CHN1: variants seen among roughly 807,000 people sequenced by gnomAD.
The protein encoded by CHN1 is chimerin 1, also known as N-chimaerin.
CHN1 carries 37 observed loss-of-function variants against 59.5 expected under a neutral mutation model. The ratio of observed to expected loss-of-function variants is 0.62; its 90% CI spans 0.48 to 0.82. The LOEUF (loss-of-function observed/expected upper bound fraction) is 0.82. Among genes scored for constraint, CHN1 ranks in the 40% least tolerant of loss-of-function variants. CHN1 has a pLI of 0.00. For missense variants in CHN1, 469 were observed against 571.0 expected, an observed-to-expected ratio of 0.82 and a Z score of 1.82; for synonymous variants, 206 against 200.4, an observed-to-expected ratio of 1.03 and a Z score of -0.24.
intron 4 of CHN1, among the ~76,000 whole-genome samples, chr2:174,916,986 G>A (rs1688865177): frequency 6.6e-6 from 1 of 152,232 alleles, no homozygotes. Context: ...GAGGTCAGGA[G>A]TTAGAGACTA....
intron 3 of CHN1, among the ~76,000 whole-genome samples, chr2:174,926,040 G>C (rs1289476745): frequency 6.6e-6 from 1 of 152,132 alleles, no homozygotes; most frequent in African/African-American, 2.4e-5. Flanking sequence ...AAAACTTTAA[G>C]TTAATCTACC....
chr2:175,002,959 A>G (rs969969613), intron 1 of CHN1, among the ~76,000 whole-genome samples: 1 of 152,166 alleles, frequency 6.6e-6, no homozygotes, highest in Non-Finnish European at 1.5e-5. Flanking sequence ...ACAAAAAGCT[A>G]TTTTGTATTG....
chr2:174,811,024 C>T (rs1685054974), intron 10 of CHN1: 1 of 152,328 alleles, frequency 6.6e-6, no homozygotes, highest in Non-Finnish European at 1.5e-5. Context: ...TGATGGGTCC[C>T]CCACAGAAGG....
At chr2:174,949,986 G>A (rs184121557) in intron 2 of CHN1, among the ~76,000 whole-genome samples, 25 of 152,246 alleles carry the variant, frequency 1.6e-4, no homozygotes, top group African/African-American at 5.8e-4. Flanking sequence ...ATTCAGCTGG[G>A]CACAGTGGCT....
intron 3 of CHN1, among the ~76,000 whole-genome samples, chr2:174,923,420 G>A (rs1000313233): frequency 2.0e-5 from 3 of 152,158 alleles, no homozygotes; most frequent in African/African-American, 4.8e-5. Flanking sequence ...GATTACAGGC[G>A]TGAGCCACTG....
chr2:174,874,286 T>C (rs992049609), intron 6 of CHN1, among the ~76,000 whole-genome samples: 3 of 152,190 alleles, frequency 2.0e-5, no homozygotes, highest in Non-Finnish European at 2.9e-5. Context: ...CTAATAAAAG[T>C]TGGGCTCTTG....
chr2:174,803,618 G>A (rs13023689), intron 11 of CHN1, among the ~76,000 whole-genome samples: 46,739 of 152,150 alleles, frequency 0.31, 8,727 homozygotes, highest in South Asian at 0.47. Flanking sequence ...GCAGGGGCAT[G>A]ATGATGGCTC....
chr2:174,878,335 A>T (rs193301571), intron 5 of CHN1, among the ~76,000 whole-genome samples: 195 of 152,328 alleles, frequency 1.3e-3, no homozygotes, highest in Non-Finnish European at 2.3e-3. Flanking sequence ...ATAATTAGGG[A>T]CAACTAGTCA....
At chr2:174,944,678 T>G (rs1473178819) in intron 3 of CHN1, among the ~76,000 whole-genome samples, 1 of 152,234 alleles carries the variant, frequency 6.6e-6, no homozygotes, top group Non-Finnish European at 1.5e-5. Flanking sequence ...TATGGTCATA[T>G]TCTATACTGT....
chr2:174,900,614 T>A (rs1382843041), intron 5 of CHN1, among the ~76,000 whole-genome samples: 1 of 152,102 alleles, frequency 6.6e-6, no homozygotes, highest in Admixed American at 6.5e-5. Flanking sequence ...GAGACCAACC[T>A]GGCCAACATG....
chr2:174,952,442 T>C (rs1052747339), intron 1 of CHN1, among the ~76,000 whole-genome samples: 1 of 152,168 alleles, frequency 6.6e-6, no homozygotes, highest in African/African-American at 2.4e-5. Context: ...CATAAAAACA[T>C]CAAGGTTAAC....
At chr2:174,864,410 G>T (rs1022348919) in intron 6 of CHN1, among the ~76,000 whole-genome samples, 7 of 152,236 alleles carry the variant, frequency 4.6e-5, no homozygotes, top group Non-Finnish European at 1.0e-4. Context: ...AGACGTAAAT[G>T]TATGCTGATT....
chr2:174,848,576 T>C (rs1686621015), intron 6 of CHN1, among the ~76,000 whole-genome samples: 1 of 152,172 alleles, frequency 6.6e-6, no homozygotes, highest in African/African-American at 2.4e-5. Flanking sequence ...AGTATATTTG[T>C]AGTGTAAATA....
In CHN1 at chr2:174,833,918, C is replaced by T. The variant is rs186351201; in HGVS notation, c.628-9400G>A. The stretch of plus-strand genomic sequence containing the variant: ...GTGATCCTCTCACCTCAGCCTCTTA[C>T]GCAGTGGGAACCACAGGCATGTGCC... On this transcript the variant is annotated intron_variant, in intron 7 of 12. Transcript: ENST00000409900. 4.2e-3 allele frequency among the ~76,000 whole-genome samples: 635 copies of T among 151,946 alleles called. 9 individuals carry two copies. Among genetic ancestry groups the T allele is most frequent in the African/African-American group, 0.015 (608 of 41,436 alleles).
At chr2:174,906,135 A>C (rs1688536210) in intron 5 of CHN1, among the ~76,000 whole-genome samples, 1 of 152,050 alleles carries the variant, frequency 6.6e-6, no homozygotes, top group Admixed American at 6.5e-5. Flanking sequence ...AAGAAATAAA[A>C]ACATATGTTT....
At chr2:174,950,829 G>C (rs935681659) in intron 2 of CHN1, among the ~76,000 whole-genome samples, 2 of 149,736 alleles carry the variant, frequency 1.3e-5, no homozygotes, top group Non-Finnish European at 3.0e-5. Flanking sequence ...GCCCAGGCTG[G>C]AGTGCAGTGG....
intron 5 of CHN1, among the ~76,000 whole-genome samples, chr2:174,902,408 C>A (rs1391439209): frequency 6.6e-6 from 1 of 152,056 alleles, no homozygotes; most frequent in Non-Finnish European, 1.5e-5. Flanking sequence ...CTTTTTAGCA[C>A]TGATAATATA....
intron 5 of CHN1, among the ~76,000 whole-genome samples, chr2:174,911,158 A>C (rs2105366637): frequency 6.6e-6 from 1 of 152,362 alleles, no homozygotes. Context: ...GAAAATGTCC[A>C]AACTCAACCT....
At chr2:174,965,906 T>C (rs189370446) in intron 1 of CHN1, among the ~76,000 whole-genome samples, 2 of 152,324 alleles carry the variant, frequency 1.3e-5, no homozygotes, top group East Asian at 3.9e-4. Context: ...ACAACTACTA[T>C]AGTTAATATG....
Sources: allele counts gnomAD v4.1 joint callset (sites outside exome capture counted in the v4.1 genomes callset), GRCh38; gene constraint gnomAD v4.1.1; transcripts MANE v1.5; gene names NCBI Gene and HGNC (gene_info 2026-07-23, HGNC 2026-07-21).